Variants in PLCB4 observed in about 807,000 individuals in gnomAD.
PLCB4 encodes the protein phospholipase C beta 4, also known as 1-phosphatidylinositol 4,5-bisphosphate phosphodiesterase beta-4.
In PLCB4, 77 loss-of-function variants were observed where a neutral mutation model predicts 178.8. That is an observed-to-expected ratio of 0.43 (90% CI 0.36 to 0.52). The LOEUF is 0.52. Among genes scored for constraint, PLCB4 ranks in the 20% least tolerant of loss-of-function variants. The pLI is 0.00. For synonymous variants in PLCB4, 496 were observed against 490.8 expected (o/e 1.01, Z -0.14); for missense variants, 1,024 against 1,453.4 (o/e 0.70, Z 4.80).
rs576071398 is a variant in PLCB4, at chr20:9,409,899, A to G, written c.1999+718A>G. Among the ~76,000 whole-genome samples the G allele has an allele frequency of 1.4e-4, 22 of 152,328 alleles. No homozygotes were observed. The South Asian group carries it at 4.6e-3, about 32-fold the overall frequency. On this transcript the variant is annotated intron_variant, in intron 24 of 39. Coordinates refer to ENST00000378473, the MANE Select transcript of PLCB4 (RefSeq NM_001377142.1). ...AAATAGAAATAGAATAGATAGAAAT[A>G]TGCCACAAACCCTCTTCACTGTAGA...
At chr20:9,191,725 A>G (rs2058866004) in intron 2 of PLCB4, among the ~76,000 whole-genome samples, 2 of 152,074 alleles carry the variant, frequency 1.3e-5, no homozygotes, top group African/African-American at 4.8e-5. Context: ...GATCTATAAT[A>G]CACAGACTAC....
At chr20:9,169,504 C>T (rs955521225) in intron 2 of PLCB4, among the ~76,000 whole-genome samples, 18 of 151,426 alleles carry the variant, frequency 1.2e-4, no homozygotes, top group East Asian at 3.9e-4. Flanking sequence ...GCAGGAGAAT[C>T]GCTTGAAACG....
At chr20:9,221,567 C>T (rs1349734565) in intron 3 of PLCB4, among the ~76,000 whole-genome samples, 1 of 152,166 alleles carries the variant, frequency 6.6e-6, no homozygotes, top group African/African-American at 2.4e-5. Context: ...AATCCTTAGC[C>T]CATTTCCTGG....
At chr20:9,184,174 T>A (rs1344363943) in intron 2 of PLCB4, among the ~76,000 whole-genome samples, 1 of 152,196 alleles carries the variant, frequency 6.6e-6, no homozygotes, top group East Asian at 1.9e-4. Flanking sequence ...CACCACCTTC[T>A]GCAATGATTC....
At chr20:9,191,727 AC>A (rs2147141317) in intron 2 of PLCB4, among the ~76,000 whole-genome samples, 1 of 152,168 alleles carries the variant, frequency 6.6e-6, no homozygotes, top group East Asian at 1.9e-4. Context: ...TCTATAATAC[AC>A]AGACTACTTC....
chr20:9,229,981 T>C (rs1269571174), intron 3 of PLCB4, among the ~76,000 whole-genome samples: 1 of 152,134 alleles, frequency 6.6e-6, no homozygotes, highest in Non-Finnish European at 1.5e-5. Context: ...GAACTAGGAC[T>C]GATAACAAAA....
chr20:9,114,286 T>C (rs1363163199), intron 2 of PLCB4, among the ~76,000 whole-genome samples: 1 of 152,104 alleles, frequency 6.6e-6, no homozygotes, highest in Admixed American at 6.6e-5. Flanking sequence ...GACATAGGAC[T>C]GTGCTTAATA....
rs935427019 is a variant in PLCB4 at position 9,479,199 on chromosome 20, T to C, written c.*190T>C. ...TTGCATTTCCTTGGCCAAACAAAAA[T>C]AGCTACAAATCCACAAAAATTTACT... On this transcript the variant is annotated 3_prime_UTR_variant, in exon 40 of 40. Transcript: ENST00000378473. 3.5e-5 allele frequency: 20 copies of C among 571,548 alleles called. No homozygotes were observed. The African/African-American group carries it at 3.6e-4, about 10-fold the overall frequency. The allele number at this position is 571,548 out of a possible 1,614,324, so 35.4% of individuals were successfully genotyped here.
chr20:9,178,760 T>A (rs139020642), intron 2 of PLCB4, among the ~76,000 whole-genome samples: 211 of 152,176 alleles, frequency 1.4e-3, no homozygotes, highest in African/African-American at 5.0e-3. Context: ...GTATATATTT[T>A]GTTGTATATA....
chr20:9,354,797 G>T (rs568117359), intron 7 of PLCB4, among the ~76,000 whole-genome samples: 1 of 152,332 alleles, frequency 6.6e-6, no homozygotes, highest in Non-Finnish European at 1.5e-5. Flanking sequence ...TAGAAATGCA[G>T]AATCTCAGTG....
intron 15 of PLCB4, among the ~76,000 whole-genome samples, chr20:9,389,025 G>T (rs2037915193): frequency 6.6e-6 from 1 of 152,064 alleles, no homozygotes; most frequent in Non-Finnish European, 1.5e-5. Flanking sequence ...GATGAGATTT[G>T]CCCTGTGATT....
intron 2 of PLCB4, among the ~76,000 whole-genome samples, chr20:9,143,996 G>T (rs771006787): frequency 2.0e-5 from 3 of 152,122 alleles, no homozygotes; most frequent in Non-Finnish European, 2.9e-5. Flanking sequence ...AGAAAGAAAA[G>T]AACAAAGTGA....
rs1217447442 is a variant in PLCB4, at chr20:9,480,650, G to A, written c.*1641G>A. On this transcript the variant is annotated 3_prime_UTR_variant, in exon 40 of 40. Coordinates refer to ENST00000378473, the MANE Select transcript of PLCB4 (RefSeq NM_001377142.1). ...AGTTGACTTCAGTTGTAATAGACTT[G>A]TTTTTCTCCTATTTATGATTTGAAG... 2 of 152,102 alleles carry A rather than the reference G, an allele frequency of 1.3e-5. No homozygotes were observed. The highest frequency in any genetic ancestry group is 2.9e-5 in the Non-Finnish European group (2 of 68,002). 9.4% of individuals were successfully genotyped at this position (152,102 alleles called of 1,614,324 possible). A position where few individuals can be genotyped will look rare whatever the true frequency, so the allele number is the denominator to read the frequency against.
chr20:9,434,009 G>A (rs1427667748), intron 28 of PLCB4, among the ~76,000 whole-genome samples: 2 of 152,108 alleles, frequency 1.3e-5, no homozygotes, highest in South Asian at 2.1e-4. Flanking sequence ...GGTATGCTAC[G>A]AAATGTTCAA....
At chr20:9,371,633 GAGA>G (rs2036262867) in intron 10 of PLCB4, among the ~76,000 whole-genome samples, 1 of 152,064 alleles carries the variant, frequency 6.6e-6, no homozygotes, top group African/African-American at 2.4e-5. Context: ...TTTTATTTTA[GAGA>G]AGCTCACCAA....
intron 3 of PLCB4, among the ~76,000 whole-genome samples, chr20:9,238,455 A>G (rs887337164): frequency 1.3e-5 from 2 of 152,086 alleles, no homozygotes; most frequent in African/African-American, 4.8e-5. Context: ...ATCCTTCAGC[A>G]CAGCAGGAAC....
At chr20:9,184,358 T>C (rs2093295608) in intron 2 of PLCB4, among the ~76,000 whole-genome samples, 1 of 152,190 alleles carries the variant, frequency 6.6e-6, no homozygotes, top group South Asian at 2.1e-4. Context: ...GGTTTTTTGG[T>C]GAATGTTTCC....
chr20:9,354,125 C>G (rs2034577657), intron 7 of PLCB4, among the ~76,000 whole-genome samples: 1 of 152,178 alleles, frequency 6.6e-6, no homozygotes, highest in African/African-American at 2.4e-5. Context: ...TACCCAACCT[C>G]CCTGCAGCTG....
chr20:9,370,943 T>C, intron 9 of PLCB4: 1 of 347,140 alleles, frequency 2.9e-6, no homozygotes, highest in Non-Finnish European at 5.2e-6. Flanking sequence ...TGTGTGTCCC[T>C]CCAGTGCCGC....
Sources: allele counts gnomAD v4.1 joint callset (sites outside exome capture counted in the v4.1 genomes callset), GRCh38; gene constraint gnomAD v4.1.1; transcripts MANE v1.5; gene names NCBI Gene and HGNC (gene_info 2026-07-23, HGNC 2026-07-21).